ZNF540: variants seen among roughly 807,000 people sequenced by gnomAD.
ZNF540 encodes CTD-3064H18.6.
In ZNF540, 3 loss-of-function variants were observed where a neutral mutation model predicts 11.8. The observed-to-expected ratio is 0.25, with a 90% CI of 0.12 to 0.65. ZNF540 has a LOEUF of 0.65. Among genes scored for constraint, ZNF540 ranks in the 30% least tolerant of loss-of-function variants. The probability of loss-of-function intolerance (pLI) is 0.83; values close to 1 mark genes in which losing one functional copy is unlikely to be tolerated. For missense variants in ZNF540, 709 were observed against 793.1 expected, an observed-to-expected ratio of 0.89 and a Z score of 1.27; for synonymous variants, 247 against 259.0, an observed-to-expected ratio of 0.95 and a Z score of 0.45.
At chr19:37,570,294 G>A (rs1024898147) in intron 1 of ZNF540, among the ~76,000 whole-genome samples, 2 of 151,930 alleles carry the variant, frequency 1.3e-5, no homozygotes, top group Admixed American at 6.6e-5. Flanking sequence ...TCTACAAATC[G>A]TCTACAACCT....
chr19:37,588,233 A>G (rs2043750443), intron 1 of ZNF540, among the ~76,000 whole-genome samples: 1 of 152,086 alleles, frequency 6.6e-6, no homozygotes, highest in African/African-American at 2.4e-5. Context: ...TGACCCCAAT[A>G]AAAGTACAAG....
intron 1 of ZNF540, chr19:37,565,506 C>T: frequency 6.2e-7 from 1 of 1,613,716 alleles, no homozygotes; most frequent in Non-Finnish European, 8.5e-7. Context: ...TCCTTACACT[C>T]ATAAGGTTTC....
chr19:37,604,296 C>T (rs1306634795), intron 4 of ZNF540, among the ~76,000 whole-genome samples: 83 of 75,228 alleles, frequency 1.1e-3, no homozygotes, highest in Middle Eastern at 7.1e-3. Context: ...AATAGCCTTA[C>T]TTTTTTTTTT....
intron 4 of ZNF540, among the ~76,000 whole-genome samples, chr19:37,603,859 A>T (rs75643702): frequency 0.026 from 3,953 of 152,276 alleles, 182 homozygotes; most frequent in African/African-American, 0.089. Context: ...ATTCCTCTAT[A>T]TCAAGCCAAA....
At chr19:37,601,729 G>A (rs1396025003) in intron 4 of ZNF540, among the ~76,000 whole-genome samples, 1 of 152,218 alleles carries the variant, frequency 6.6e-6, no homozygotes, top group Non-Finnish European at 1.5e-5. Flanking sequence ...GAGATGTGCA[G>A]TATAGGCTTA....
At chr19:37,584,285 T>C (rs753072721) in intron 1 of ZNF540, 24 of 637,656 alleles carry the variant, frequency 3.8e-5, no homozygotes, top group Admixed American at 6.4e-5. Flanking sequence ...CTCTGTACAA[T>C]AGAACAATTC....
chr19:37,564,728 A>G, intron 1 of ZNF540: 1 of 1,613,654 alleles, frequency 6.2e-7, no homozygotes. Context: ...GCCACGACTA[A>G]AGGCCCTCCC....
chr19:37,570,448 G>T (rs2043013125), intron 1 of ZNF540, among the ~76,000 whole-genome samples: 2 of 152,070 alleles, frequency 1.3e-5, no homozygotes, highest in African/African-American at 4.8e-5. Flanking sequence ...CATAATTATA[G>T]CAAGTCAACA....
rs150532991 is a variant in ZNF540 at position 37,554,033 on chromosome 19, C to T, written c.-73+2368C>T. Among the ~76,000 whole-genome samples, 531 of 152,222 alleles carry T rather than the reference C, an allele frequency of 3.5e-3. 1 individual carries two copies. Among genetic ancestry groups the T allele is most frequent in the African/African-American group, 0.012 (510 of 41,548 alleles). ...ATTTTAGGGTCAGGGAGTACACATG[C>T]AGGTTTGTTACATTGGCAAACTGCA... On this transcript the variant is annotated intron_variant, in intron 1 of 4. Coordinates refer to the ZNF540 transcript ENST00000592533.
chr19:37,557,358 C>G (rs1364997053), intron 1 of ZNF540, among the ~76,000 whole-genome samples: 1 of 152,176 alleles, frequency 6.6e-6, no homozygotes, highest in African/African-American at 2.4e-5. Flanking sequence ...AGGTGAGTAG[C>G]CTGCGCTCCT....
chr19:37,613,345 G>T lies in ZNF540; in HGVS notation c.*82G>T, dbSNP rs545501381. 1.4e-5 allele frequency: 14 copies of T among 1,008,890 alleles called. No homozygotes were observed. The African/African-American group carries it at 1.6e-4, about 12-fold the overall frequency. 62.5% of individuals were successfully genotyped at this position (1,008,890 alleles called of 1,614,324 possible). On this transcript the variant is annotated 3_prime_UTR_variant, in exon 5 of 5. Coordinates refer to ENST00000316433, the MANE Select transcript of ZNF540 (RefSeq NM_001172225.3). ...CCAGAAGTTCTGTCAATGTGTTGAT[G>T]TTTTTTTACACATATTAACTTAATA...
upstream of ZNF540, among the ~76,000 whole-genome samples, chr19:37,591,395 G>T (rs1430358069): frequency 6.6e-6 from 1 of 152,132 alleles, no homozygotes; most frequent in Admixed American, 6.6e-5. Context: ...ATATAAAAAA[G>T]AATAATGATC....
At position 37,567,537 on chromosome 19, in the gene ZNF540, A is replaced by C. The variant is rs567257163; in HGVS notation, c.-73+15872A>C. On this transcript the variant is annotated intron_variant, in intron 1 of 4. Transcript: ENST00000592533. Reference sequence around the variant, plus strand: ...TACCTTTTAAGCCTCAAATTGAGCCACTACTATCTTCAGAACAATGCTCTA... The same window carrying C: ...TACCTTTTAAGCCTCAAATTGAGCCCCTACTATCTTCAGAACAATGCTCTA... The C allele has an allele frequency of 2.0e-5, 3 of 152,326 alleles. No individual in the cohort carries two copies. The South Asian group carries it at 6.2e-4, about 32-fold the overall frequency. The allele number at this position is 152,326 out of a possible 1,614,324, so 9.4% of individuals were successfully genotyped here.
chr19:37,594,583 G>A (rs1312980788), upstream of ZNF540: 2 of 152,372 alleles, frequency 1.3e-5, no homozygotes, highest in African/African-American at 4.8e-5. Context: ...GCAAGCGCAA[G>A]GCCGACTTCC....
chr19:37,587,045 T>C (rs1205676777), intron 1 of ZNF540: 3 of 221,586 alleles, frequency 1.4e-5, no homozygotes, highest in Non-Finnish European at 1.8e-5. Context: ...AGTCAGGTAC[T>C]TTGCTCCCAA....
intron 1 of ZNF540, chr19:37,584,211 T>G: frequency 1.3e-6 from 2 of 1,506,880 alleles, no homozygotes; most frequent in Non-Finnish European, 9.0e-7. Context: ...AACAGGAAAT[T>G]GGTTGCCTAA....
intron 1 of ZNF540, chr19:37,566,127 C>T (rs2042849330): frequency 1.2e-6 from 2 of 1,614,056 alleles, no homozygotes; most frequent in Non-Finnish European, 1.7e-6. Flanking sequence ...TCCTGACTTG[C>T]TTCTTGACCC....
chr19:37,583,225 C>T (rs2043536695), intron 1 of ZNF540, among the ~76,000 whole-genome samples: 1 of 152,172 alleles, frequency 6.6e-6, no homozygotes, highest in Non-Finnish European at 1.5e-5. Context: ...TCCTCCTAAC[C>T]TATGAACGTA....
chr19:37,575,912 A>C (rs1315122236), intron 1 of ZNF540: 1 of 152,200 alleles, frequency 6.6e-6, no homozygotes, highest in African/African-American at 2.4e-5. Context: ...AAACATATAC[A>C]CACAATTTCC....
Sources: allele counts gnomAD v4.1 joint callset (sites outside exome capture counted in the v4.1 genomes callset), GRCh38; gene constraint gnomAD v4.1.1; transcripts MANE v1.5; gene names NCBI Gene and HGNC (gene_info 2026-07-23, HGNC 2026-07-21).